Variants in SLA observed in about 807,000 individuals in gnomAD.
SLA encodes the protein src-like-adapter.
Under a neutral mutation model 30.3 loss-of-function variants are expected in SLA, and 16 were observed. The ratio of observed to expected loss-of-function variants is 0.53; its 90% CI spans 0.36 to 0.80. The LOEUF is 0.80. Ranked by LOEUF, SLA falls within the 30% of genes least tolerant of loss-of-function variation. The probability of loss-of-function intolerance (pLI) is 0.01; values close to 1 mark genes in which losing one functional copy is unlikely to be tolerated. For synonymous variants in SLA, 143 were observed against 137.8 expected (o/e 1.04, Z -0.26); for missense variants, 310 against 345.2 (o/e 0.90, Z 0.81).
In SLA at chr8:133,079,114, T is replaced by C. The variant is rs1449427516; in HGVS notation, c.-318-3984A>G. Among the ~76,000 whole-genome samples, 3 of 151,966 alleles carry C rather than the reference T, an allele frequency of 2.0e-5. No homozygotes were observed. In the East Asian group the frequency reaches 5.8e-4, roughly 29 times the overall value. The stretch of plus-strand genomic sequence containing the variant: ...CACAAGAAGCAAAGACAAAAACACA[T>C]AGCAGGTGATGCCCCCACCAAGGAC... On this transcript the variant is annotated intron_variant, in intron 1 of 8. Coordinates refer to ENST00000338087, the MANE Select transcript of SLA (RefSeq NM_001045556.3).
At chr8:133,096,787 C>T (rs1339434474) in intron 1 of SLA, among the ~76,000 whole-genome samples, 1 of 152,220 alleles carries the variant, frequency 6.6e-6, no homozygotes. Context: ...GAAAAAGACA[C>T]TGAAGCACCA....
chr8:133,075,278 C>T (rs1844684830), intron 1 of SLA, 148 bp from the exon 2 acceptor site: 1 of 277,102 alleles, frequency 3.6e-6, no homozygotes. Flanking sequence ...TCTTGTACAT[C>T]CCCAGAACTC....
intron 3 of SLA, chr8:133,058,930 T>C (rs1188015089): frequency 6.5e-6 from 3 of 458,182 alleles, no homozygotes; most frequent in Non-Finnish European, 1.3e-5. Flanking sequence ...GGGTGTGGGG[T>C]GGCTGGGTCT....
chr8:133,052,771 G>T (rs1360737260), intron 3 of SLA, among the ~76,000 whole-genome samples: 1 of 152,236 alleles, frequency 6.6e-6, no homozygotes, highest in Admixed American at 6.5e-5. Flanking sequence ...ACAGACCCCA[G>T]CAAGGTGCTG....
intron 2 of SLA, among the ~76,000 whole-genome samples, chr8:133,061,967 T>C (rs1842427582): frequency 6.6e-6 from 1 of 152,148 alleles, no homozygotes; most frequent in African/African-American, 2.4e-5. Flanking sequence ...TCTTAGACAT[T>C]TACATGAACA....
intron 1 of SLA, among the ~76,000 whole-genome samples, chr8:133,088,479 A>C (rs1846973643): frequency 6.6e-6 from 1 of 152,000 alleles, no homozygotes; most frequent in Non-Finnish European, 1.5e-5. Flanking sequence ...AAAATTACCT[A>C]CCCACTCCAA....
At chr8:133,040,357 G>A in intron 7 of SLA, 1 of 532,472 alleles carries the variant, frequency 1.9e-6, no homozygotes, top group Admixed American at 3.2e-5. Flanking sequence ...GCCAGGCATG[G>A]GCAGAGAGAG....
chr8:133,039,571 C>G (rs900134493), intron 8 of SLA, among the ~76,000 whole-genome samples: 1 of 152,018 alleles, frequency 6.6e-6, no homozygotes, highest in East Asian at 1.9e-4. Flanking sequence ...GTTTTTTTCT[C>G]TTAGAAAAAA....
At chr8:133,050,778 G>A in intron 4 of SLA, 38 bp downstream of exon 4, 1 of 1,307,650 alleles carries the variant, frequency 7.6e-7, no homozygotes, top group Non-Finnish European at 1.1e-6. Flanking sequence ...AGTTTATCCT[G>A]CTTTGAAGAT....
intron 7 of SLA, among the ~76,000 whole-genome samples, chr8:133,042,583 G>C (rs1218295030): frequency 6.9e-6 from 1 of 143,940 alleles, no homozygotes; most frequent in Non-Finnish European, 1.5e-5. Flanking sequence ...AAGATGCCAA[G>C]TAATTTGCCT....
At chr8:133,073,158 C>A (rs1322508752) in intron 2 of SLA, 1 of 152,176 alleles carries the variant, frequency 6.6e-6, no homozygotes, top group Non-Finnish European at 1.5e-5. Context: ...TCACAGAGTT[C>A]TTTGGTGGCC....
At chr8:133,052,691 C>A (rs1189902323) in intron 3 of SLA, among the ~76,000 whole-genome samples, 2 of 152,186 alleles carry the variant, frequency 1.3e-5, no homozygotes, top group Non-Finnish European at 2.9e-5. Context: ...TTTGGCAGGG[C>A]ATAAAGCTTA....
chr8:133,051,238 C>T (rs1265047875), intron 3 of SLA, among the ~76,000 whole-genome samples: 1 of 152,216 alleles, frequency 6.6e-6, no homozygotes, highest in Admixed American at 6.5e-5. Flanking sequence ...CTACTAGCCT[C>T]ACCCTCTCCA....
At chr8:133,052,378 G>A (rs73708822) in intron 3 of SLA, among the ~76,000 whole-genome samples, 1 of 152,188 alleles carries the variant, frequency 6.6e-6, no homozygotes, top group Non-Finnish European at 1.5e-5. Context: ...AAGAGTTTCT[G>A]GGTGTAAGAC....
chr8:133,091,909 C>A (rs964748569), intron 1 of SLA, among the ~76,000 whole-genome samples: 3 of 151,588 alleles, frequency 2.0e-5, no homozygotes, highest in African/African-American at 7.3e-5. Flanking sequence ...CTGTGTGTCT[C>A]CATCTGTGGC....
intron 1 of SLA, among the ~76,000 whole-genome samples, chr8:133,098,899 C>T (rs1035809709): frequency 2.0e-5 from 3 of 152,174 alleles, no homozygotes; most frequent in Non-Finnish European, 4.4e-5. Flanking sequence ...GGTTCAAGCA[C>T]GGTCCCAGGA....
chr8:133,086,678 A>G (rs1846614598), intron 1 of SLA, among the ~76,000 whole-genome samples: 5 of 152,222 alleles, frequency 3.3e-5, no homozygotes, highest in Admixed American at 1.3e-4. Flanking sequence ...ACCTGAAACA[A>G]TAATAGCCAT....
intron 3 of SLA, among the ~76,000 whole-genome samples, chr8:133,058,866 T>C (rs1490176340): frequency 6.6e-6 from 1 of 152,070 alleles, no homozygotes; most frequent in Non-Finnish European, 1.5e-5. Context: ...AGAAGGAGAG[T>C]TACTTCACTA....
At chr8:133,095,714 A>T (rs1460921951) in intron 1 of SLA, among the ~76,000 whole-genome samples, 1 of 152,230 alleles carries the variant, frequency 6.6e-6, no homozygotes, top group Non-Finnish European at 1.5e-5. Flanking sequence ...GCTGGCCTTC[A>T]CATTAATGAA....
Sources: allele counts gnomAD v4.1 joint callset (sites outside exome capture counted in the v4.1 genomes callset), GRCh38; gene constraint gnomAD v4.1.1; transcripts MANE v1.5; gene names NCBI Gene and HGNC (gene_info 2026-07-23, HGNC 2026-07-21).